RUNX2: variants seen among roughly 807,000 people sequenced by gnomAD.
RUNX2 encodes the protein runt-related transcription factor 2.
A neutral mutation model predicts 51.7 loss-of-function variants in RUNX2; 10 were observed. The ratio of observed to expected loss-of-function variants is 0.19; its 90% CI spans 0.12 to 0.33. The LOEUF is 0.33. Among genes scored for constraint, RUNX2 ranks in the 10% least tolerant of loss-of-function variants. The pLI, the probability that RUNX2 is intolerant of heterozygous loss-of-function variation, is 1.00. For synonymous variants in RUNX2, 276 were observed against 273.6 expected (o/e 1.01, Z -0.09); for missense variants, 562 against 691.3 (o/e 0.81, Z 2.10).
intron 2 of RUNX2, among the ~76,000 whole-genome samples, chr6:45,363,622 A>G (rs776037466): frequency 1.3e-5 from 2 of 152,098 alleles, no homozygotes; most frequent in East Asian, 1.9e-4. Context: ...CATAATTAAC[A>G]TAACACAACA....
intron 7 of RUNX2, among the ~76,000 whole-genome samples, chr6:45,535,124 G>T (rs1370016965): frequency 6.6e-6 from 1 of 152,092 alleles, no homozygotes; most frequent in Admixed American, 6.5e-5. Flanking sequence ...AGAGGATCAG[G>T]ATAAATAACT....
At chr6:45,386,321 C>A (rs1725297325) in intron 2 of RUNX2, among the ~76,000 whole-genome samples, 1 of 152,216 alleles carries the variant, frequency 6.6e-6, no homozygotes, top group Non-Finnish European at 1.5e-5. Flanking sequence ...CCCACCTCGG[C>A]CTCCCAAAGT....
intron 2 of RUNX2, among the ~76,000 whole-genome samples, chr6:45,384,547 A>T (rs1243170466): frequency 6.6e-6 from 1 of 151,898 alleles, no homozygotes; most frequent in Non-Finnish European, 1.5e-5. Flanking sequence ...GGCCTCCCAA[A>T]GTGCTGGGAT....
At chr6:45,487,328 G>A (rs1800313237) in intron 5 of RUNX2, among the ~76,000 whole-genome samples, 1 of 151,988 alleles carries the variant, frequency 6.6e-6, no homozygotes, top group Admixed American at 6.6e-5. Flanking sequence ...ATGACTTTAG[G>A]TAAGGCATGT....
chr6:45,422,744 GC>G lies in RUNX2; in HGVS notation c.211del (p.Gln71ArgfsTer73). ...AGCAGCAGCAACAGCAGCAGCAGCA[GC>G]AGGAGGCGGCGGCGGCGGCTGCGGC... ...QQQQQQQQQQ[Q>X]EAAAAAAAAA... On this transcript the variant is annotated frameshift_variant, in exon 3 of 9. Transcript: ENST00000647337. LOFTEE classifies it high-confidence loss of function. 2 of 1,548,562 alleles carry G rather than the reference GC, an allele frequency of 1.3e-6. No individual in the cohort carries two copies. Among genetic ancestry groups the G allele is most frequent in the Admixed American group, 2.0e-5 (1 of 50,644 alleles).
At chr6:45,498,222 T>C (rs78429349) in intron 6 of RUNX2, among the ~76,000 whole-genome samples, 2,486 of 152,320 alleles carry the variant, frequency 0.016, 65 homozygotes, top group African/African-American at 0.055. Flanking sequence ...CACTTTCATT[T>C]ATTCAGTTCT....
intron 2 of RUNX2, among the ~76,000 whole-genome samples, chr6:45,344,921 G>A (rs1240877373): frequency 2.0e-5 from 3 of 152,156 alleles, no homozygotes; most frequent in Non-Finnish European, 2.9e-5. Flanking sequence ...AAGCAGGATA[G>A]TTTAGTAGTT....
chr6:45,501,695 A>T (rs576789864), intron 6 of RUNX2, among the ~76,000 whole-genome samples: 1 of 152,236 alleles, frequency 6.6e-6, no homozygotes, highest in Non-Finnish European at 1.5e-5. Context: ...TGCAATAGAC[A>T]GATGAGCTGC....
At chr6:45,513,787 T>G (rs1020735300) in intron 7 of RUNX2, 1 of 152,208 alleles carries the variant, frequency 6.6e-6, no homozygotes, top group Non-Finnish European at 1.5e-5. Context: ...GTATAGAGTA[T>G]AGAATTTTAG....
chr6:45,436,937 G>A (rs1798701149), intron 4 of RUNX2, among the ~76,000 whole-genome samples: 1 of 152,174 alleles, frequency 6.6e-6, no homozygotes, highest in Non-Finnish European at 1.5e-5. Flanking sequence ...TCTGGCCTGA[G>A]ATTGCTGAAT....
At chr6:45,474,854 T>C (rs1799910170) in intron 5 of RUNX2, among the ~76,000 whole-genome samples, 1 of 152,150 alleles carries the variant, frequency 6.6e-6, no homozygotes, top group Admixed American at 6.5e-5. Flanking sequence ...AATTTATTTA[T>C]TCAACAAACA....
chr6:45,473,319 C>A (rs115823832), intron 5 of RUNX2, among the ~76,000 whole-genome samples: 2,547 of 152,064 alleles, frequency 0.017, 21 homozygotes, highest in Non-Finnish European at 0.027. Context: ...GTGCTGTTGA[C>A]TTTGGGAGAT....
At chr6:45,428,091 C>A (rs1798433639) in intron 3 of RUNX2, among the ~76,000 whole-genome samples, 1 of 152,152 alleles carries the variant, frequency 6.6e-6, no homozygotes, top group Non-Finnish European at 1.5e-5. Context: ...ACAAATTATT[C>A]TTTGCAGAGC....
chr6:45,399,246 A>C (rs1359240971), intron 2 of RUNX2, among the ~76,000 whole-genome samples: 1 of 151,866 alleles, frequency 6.6e-6, no homozygotes, highest in Non-Finnish European at 1.5e-5. Context: ...CATTGGAGGC[A>C]GAGAGAATTG....
intron 3 of RUNX2, among the ~76,000 whole-genome samples, chr6:45,428,266 T>A (rs1261816510): frequency 6.6e-6 from 1 of 152,196 alleles, no homozygotes; most frequent in East Asian, 1.9e-4. Context: ...TTTGGTTTTC[T>A]TTTAGATAAA....
intron 2 of RUNX2, among the ~76,000 whole-genome samples, chr6:45,418,022 C>T (rs767560188): frequency 6.6e-6 from 1 of 152,134 alleles, no homozygotes; most frequent in Admixed American, 6.5e-5. Context: ...CTCCAAAGAT[C>T]GTTCTGTTTA....
intron 6 of RUNX2, among the ~76,000 whole-genome samples, chr6:45,510,357 T>C (rs1582189333): frequency 6.6e-6 from 1 of 152,374 alleles, no homozygotes; most frequent in East Asian, 1.9e-4. Context: ...TTTTTCTGTA[T>C]ATGTCAATGT....
Position 45,422,577 on chromosome 6 carries a change from A to C in RUNX2, c.59-16A>C, listed in dbSNP as rs1278969323. ...ACTTCGCTAACTTGTGGCTGTTGTGATGCGTATTCCCGTAGATCCGAGCAC... is the reference window on the plus strand; with the variant it reads ...ACTTCGCTAACTTGTGGCTGTTGTGCTGCGTATTCCCGTAGATCCGAGCAC... On this transcript the variant is annotated splice_polypyrimidine_tract_variant and intron_variant, in intron 2 of 8. Transcript: ENST00000647337. 7.2e-7 allele frequency: 1 copy of C among 1,389,938 alleles called. No homozygotes were observed. 86.1% of individuals were successfully genotyped at this position (1,389,938 alleles called of 1,614,324 possible).
intron 6 of RUNX2, among the ~76,000 whole-genome samples, chr6:45,506,171 C>T (rs939384270): frequency 6.6e-6 from 1 of 152,122 alleles, no homozygotes; most frequent in African/African-American, 2.4e-5. Flanking sequence ...CCTGGGGACC[C>T]CTTTCTTCCT....
Sources: allele counts gnomAD v4.1 joint callset (sites outside exome capture counted in the v4.1 genomes callset), GRCh38; gene constraint gnomAD v4.1.1; transcripts MANE v1.5; gene names NCBI Gene and HGNC (gene_info 2026-07-23, HGNC 2026-07-21).